The following SRSF4 variants were observed in gnomAD, a reference collection of about 807,000 sequenced individuals.
The protein encoded by SRSF4 is serine/arginine-rich splicing factor 4.
A neutral mutation model predicts 48.8 loss-of-function variants in SRSF4; 12 were observed. The ratio of observed to expected loss-of-function variants is 0.25; its 90% confidence interval spans 0.16 to 0.40. The LOEUF is 0.40. Among genes scored for constraint, SRSF4 ranks in the 10% least tolerant of loss-of-function variants. The pLI is 1.00. For synonymous variants in SRSF4, 248 were observed against 232.5 expected (o/e 1.07, Z -0.61); for missense variants, 466 against 667.1 (o/e 0.70, Z 3.32).
At position 29,148,450 on chromosome 1, in the gene SRSF4, G is replaced by C; in HGVS notation, c.1445C>G (p.Ser482Trp). The C allele has an allele frequency of 6.2e-7, 1 of 1,611,122 alleles. No homozygotes were observed. The highest frequency in any genetic ancestry group is 8.5e-7 in the Non-Finnish European group (1 of 1,178,250). The change falls in exon 6 of 6, where the codon TCG becomes TGG. Residue 482 changes from serine to tryptophan, a missense_variant. Ser to Trp is a radical substitution (Grantham distance 177). Around this residue, in one of 2 missense-constraint regions of SRSF4, gnomAD observed 402 missense variants for 437.0 expected, o/e 0.92. Transcript: ENST00000373795. ...SKSRSRSASR[S>W]PSRSRSRSHS... ...GGACCTAGATCTAGATCGGGAGGGC[G>C]ATCTGGAAGCAGACCTGGATCTAGA...
At chr1:29,155,929 T>C (rs1168456462) in intron 3 of SRSF4, among the ~76,000 whole-genome samples, 4 of 152,156 alleles carry the variant, frequency 2.6e-5, no homozygotes, top group African/African-American at 9.7e-5. Flanking sequence ...CCTAGACAAA[T>C]GCTAAAGCAT....
chr1:29,176,444 C>T (rs1672854877), intron 1 of SRSF4, among the ~76,000 whole-genome samples: 1 of 149,484 alleles, frequency 6.7e-6, no homozygotes, highest in Non-Finnish European at 1.5e-5. Flanking sequence ...CGATGAATGA[C>T]AGAGCCTTGG....
At chr1:29,180,949 C>G (rs1009865378) in intron 1 of SRSF4, among the ~76,000 whole-genome samples, 1 of 152,220 alleles carries the variant, frequency 6.6e-6, no homozygotes, top group African/African-American at 2.4e-5. Flanking sequence ...AACGGCCAAG[C>G]AATTTTTCGG....
chr1:29,150,484 G>A (rs1047937838), intron 4 of SRSF4, among the ~76,000 whole-genome samples: 5 of 151,966 alleles, frequency 3.3e-5, no homozygotes, highest in African/African-American at 9.7e-5. Context: ...GGCTGGTTTC[G>A]AACTCCTGAC....
At position 29,181,565 on chromosome 1, in the gene SRSF4, G is replaced by A. The variant is rs1261752611; in HGVS notation, c.107+81C>T. 1.0e-5 allele frequency: 13 copies of A among 1,244,134 alleles called. No homozygotes were observed. The Admixed American group carries it at 1.7e-4, about 16-fold the overall frequency. 77.1% of individuals were successfully genotyped at this position (1,244,134 alleles called of 1,614,324 possible). On this transcript the variant is annotated intron_variant, in intron 1 of 5. Transcript: ENST00000373795. ...GGTAGCCGCTCCGCGCGGACCAGGC[G>A]TCCCTCTCCCGTCCCCGCGGCCTCC...
intron 1 of SRSF4, among the ~76,000 whole-genome samples, chr1:29,179,504 C>T (rs768141997): frequency 5.9e-5 from 9 of 152,058 alleles, no homozygotes; most frequent in Non-Finnish European, 8.8e-5. Context: ...GGACTATAGG[C>T]GAGTGTCACC....
At chr1:29,158,546 C>G (rs1278583420) in intron 3 of SRSF4, among the ~76,000 whole-genome samples, 1 of 151,962 alleles carries the variant, frequency 6.6e-6, no homozygotes, top group Non-Finnish European at 1.5e-5. Flanking sequence ...TCTCTTGCCT[C>G]AGCCTCCCAA....
chr1:29,171,841 C>T (rs2151822544), intron 1 of SRSF4: 1 of 152,144 alleles, frequency 6.6e-6, no homozygotes, highest in Middle Eastern at 3.4e-3. Flanking sequence ...CATACAGTAC[C>T]TCAATGAGAA....
At chr1:29,160,227 T>C in intron 2 of SRSF4, 148 bp downstream of exon 2, 1 of 936,278 alleles carries the variant, frequency 1.1e-6, no homozygotes, top group Non-Finnish European at 1.5e-6. Flanking sequence ...AAGGCTTATT[T>C]GTAATTCTAC....
In SRSF4 at chr1:29,149,082, G is replaced by A. The variant is rs768088425; in HGVS notation, c.813C>T (p.Asp271=). The A allele has an allele frequency of 4.3e-6, 7 of 1,612,772 alleles. No homozygotes were observed. Among genetic ancestry groups the A allele is most frequent in the South Asian group, 2.2e-5 (2 of 91,036 alleles). The part of the protein sequence containing the change: ...SAGKSRSKSK[D]QAEEKIQNND... ...TGTTTTGGATCTTCTCTTCAGCTTG[G>A]TCTTTGCTCTTGCTGCGGCTCTTGC... Residue 271 remains aspartate, a synonymous_variant, in exon 6 of 6, where the codon GAC becomes GAT. Coordinates refer to ENST00000373795, the MANE Select transcript of SRSF4 (RefSeq NM_005626.5).
At chr1:29,163,701 T>A (rs747229742) in intron 1 of SRSF4, among the ~76,000 whole-genome samples, 3 of 152,218 alleles carry the variant, frequency 2.0e-5, no homozygotes, top group Non-Finnish European at 2.9e-5. Context: ...ATCAGCTAGG[T>A]ACTATTATTT....
chr1:29,149,320 C>T, intron 5 of SRSF4, 94 bp from the exon 6 acceptor site: 1 of 1,395,418 alleles, frequency 7.2e-7, no homozygotes. Context: ...AGTTACACCC[C>T]CCAATATAAA....
chr1:29,149,404 G>C (rs2151811195), intron 5 of SRSF4, among the ~76,000 whole-genome samples, 178 bp from the exon 6 acceptor site: 1 of 152,310 alleles, frequency 6.6e-6, no homozygotes, highest in African/African-American at 2.4e-5. Flanking sequence ...AAACTGGCCA[G>C]GTGCGGCGGC....
chr1:29,154,761 T>C lies in SRSF4; in HGVS notation c.513A>G (p.Arg171=). 2 of 1,614,234 alleles carry C rather than the reference T, an allele frequency of 1.2e-6. 1 individual carries two copies. The highest frequency in any genetic ancestry group is 4.5e-5 in the East Asian group (2 of 44,884). Residue 171 remains arginine, a synonymous_variant, in exon 4 of 6, where the codon AGA becomes AGG. Transcript: ENST00000373795. ...DGTEVNGRKI[R]LVEDKPGSRR... Reference sequence around the variant, plus strand: ...TGGAACCTGGCTTGTCTTCAACTAATCTGATTTTTCTCCCATTGACTTCAG... The same window carrying C: ...TGGAACCTGGCTTGTCTTCAACTAACCTGATTTTTCTCCCATTGACTTCAG...
chr1:29,148,275 T>A lies in SRSF4; in HGVS notation c.*135A>T, dbSNP rs1441884664. ...CTTTACTGAGAGGAAGCACTTAGAT[T>A]TAACAATTATAGACACACCATTAGG... On this transcript the variant is annotated 3_prime_UTR_variant, in exon 6 of 6. Coordinates refer to ENST00000373795, the MANE Select transcript of SRSF4 (RefSeq NM_005626.5). 7.9e-7 allele frequency: 1 copy of A among 1,269,632 alleles called. No homozygotes were observed. The highest frequency in any genetic ancestry group is 1.5e-5 in the African/African-American group (1 of 67,666). 78.6% of individuals were successfully genotyped at this position (1,269,632 alleles called of 1,614,324 possible).
At chr1:29,156,697 G>T (rs1433718195) in intron 3 of SRSF4, among the ~76,000 whole-genome samples, 1 of 152,152 alleles carries the variant, frequency 6.6e-6, no homozygotes, top group Non-Finnish European at 1.5e-5. Context: ...CTGCCTGAAG[G>T]TACAGACATG....
chr1:29,174,086 G>A (rs1672795915), intron 1 of SRSF4, among the ~76,000 whole-genome samples: 1 of 151,788 alleles, frequency 6.6e-6, no homozygotes, highest in Non-Finnish European at 1.5e-5. Context: ...CTACTTGGGA[G>A]GCTGAGGCAG....
chr1:29,178,700 C>G (rs1267351845), intron 1 of SRSF4, among the ~76,000 whole-genome samples: 1 of 152,158 alleles, frequency 6.6e-6, no homozygotes, highest in Non-Finnish European at 1.5e-5. Context: ...ACATGCTTCC[C>G]AGTAGGGAGA....
intron 1 of SRSF4, among the ~76,000 whole-genome samples, chr1:29,174,950 G>A (rs1331235062): frequency 1.3e-5 from 2 of 150,198 alleles, no homozygotes; most frequent in Non-Finnish European, 3.0e-5. Flanking sequence ...GGGATTATAG[G>A]CGTGAGCCAC....
Sources: allele counts gnomAD v4.1 joint callset (sites outside exome capture counted in the v4.1 genomes callset), GRCh38; gene constraint gnomAD v4.1.1; regional missense constraint gnomAD v4.1.1; transcripts MANE v1.5; gene names NCBI Gene and HGNC (gene_info 2026-07-23, HGNC 2026-07-21).